The following PRDM16 variants were observed in gnomAD, a reference collection of about 807,000 sequenced individuals.
The protein encoded by PRDM16 is histone-lysine N-methyltransferase PRDM16.
In PRDM16, 23 loss-of-function variants were observed where a neutral mutation model predicts 110.6. The ratio of observed to expected loss-of-function variants is 0.21; its 90% CI spans 0.15 to 0.29. The LOEUF is 0.29. Ranked by LOEUF, PRDM16 falls within the 10% of genes least tolerant of loss-of-function variation. The pLI is 1.00. For synonymous variants in PRDM16, 799 were observed against 781.8 expected (o/e 1.02, Z -0.37); for missense variants, 1,615 against 1,794.3 (o/e 0.90, Z 1.81).
chr1:3,203,138 G>GA (rs1638672743), intron 2 of PRDM16, among the ~76,000 whole-genome samples: 1 of 152,198 alleles, frequency 6.6e-6, no homozygotes, highest in Non-Finnish European at 1.5e-5. Context: ...GGCTGAGGTG[G>GA]AAAAGCCACT....
At chr1:3,314,099 A>C (rs1005417482) in intron 3 of PRDM16, among the ~76,000 whole-genome samples, 1 of 148,260 alleles carries the variant, frequency 6.7e-6, no homozygotes, top group Admixed American at 6.7e-5. Context: ...CATAAAATGG[A>C]CCCAAGTCAC....
At chr1:3,094,279 C>T (rs937711715) in intron 1 of PRDM16, among the ~76,000 whole-genome samples, 1 of 152,244 alleles carries the variant, frequency 6.6e-6, no homozygotes, top group Non-Finnish European at 1.5e-5. Flanking sequence ...CCTGCCTCCA[C>T]AGCTCCCAGG....
intron 3 of PRDM16, among the ~76,000 whole-genome samples, chr1:3,313,881 A>G (rs1349234351): frequency 6.6e-6 from 1 of 152,256 alleles, no homozygotes; most frequent in Admixed American, 6.5e-5. Context: ...AGGAAGCATT[A>G]ATAGGAGCGA....
At chr1:3,320,088 G>T (rs1641705285) in intron 3 of PRDM16, among the ~76,000 whole-genome samples, 1 of 152,160 alleles carries the variant, frequency 6.6e-6, no homozygotes, top group South Asian at 2.1e-4. Flanking sequence ...TTACTTCCTT[G>T]TTCCTGGATA....
At chr1:3,421,340 G>A (rs573105763) in intron 12 of PRDM16, among the ~76,000 whole-genome samples, 15 of 152,170 alleles carry the variant, frequency 9.9e-5, no homozygotes, top group Middle Eastern at 3.2e-3. Context: ...CAGCAGGCAC[G>A]GTCACAGCAA....
intron 3 of PRDM16, among the ~76,000 whole-genome samples, chr1:3,321,526 ATGTG>A (rs534100051): frequency 1.5e-4 from 22 of 146,016 alleles, no homozygotes; most frequent in Non-Finnish European, 3.0e-4. Flanking sequence ...GTGGGGGTGC[ATGTG>A]TGTGTGTATG....
At position 3,125,125 on chromosome 1, in the gene PRDM16, C is replaced by T. The variant is rs191366336; in HGVS notation, c.37+55829C>T. The stretch of plus-strand genomic sequence containing the variant: ...GCCTAAAGCTCTGACATTTCTGCCT[C>T]GCTAAGGCACAGTCACCAGCCAAAG... On this transcript the variant is annotated intron_variant, in intron 1 of 16. Coordinates refer to ENST00000270722, the MANE Select transcript of PRDM16 (RefSeq NM_022114.4). 1.8e-3 allele frequency among the ~76,000 whole-genome samples: 267 copies of T among 152,388 alleles called. 1 individual carries two copies. Among genetic ancestry groups the T allele is most frequent in the African/African-American group, 6.0e-3 (248 of 41,598 alleles).
intron 14 of PRDM16, among the ~76,000 whole-genome samples, chr1:3,427,238 G>C (rs12124567): frequency 6.6e-6 from 1 of 152,080 alleles, no homozygotes; most frequent in African/African-American, 2.4e-5. Context: ...ACACCCCAGC[G>C]GGGCTGCTTC....
At chr1:3,338,343 A>G (rs1252121960) in intron 3 of PRDM16, among the ~76,000 whole-genome samples, 1 of 152,220 alleles carries the variant, frequency 6.6e-6, no homozygotes, top group Admixed American at 6.5e-5. Context: ...CTGGGGCCCA[A>G]TTCGAGGCCC....
chr1:3,292,983 C>T (rs908238338), intron 3 of PRDM16, among the ~76,000 whole-genome samples: 1 of 152,232 alleles, frequency 6.6e-6, no homozygotes, highest in African/African-American at 2.4e-5. Flanking sequence ...GGCATGACCT[C>T]GGACTCTTGA....
rs184609226 is a variant in PRDM16, at chr1:3,278,328, G to A, written c.438+34191G>A. The stretch of plus-strand genomic sequence containing the variant: ...TCTTTCCTAGGGACAGCCTGGCTGC[G>A]CCCTTGCAGCCACACCTAGGCCTAA... On this transcript the variant is annotated intron_variant, in intron 3 of 16. Transcript: ENST00000270722. 2.8e-4 allele frequency among the ~76,000 whole-genome samples: 42 copies of A among 152,330 alleles called. No homozygotes were observed. In the East Asian group the frequency reaches 7.0e-3, roughly 25 times the overall value.
intron 2 of PRDM16, among the ~76,000 whole-genome samples, chr1:3,232,103 G>A (rs1239608474): frequency 6.6e-5 from 10 of 152,344 alleles, no homozygotes; most frequent in Non-Finnish European, 1.2e-4. Context: ...CCAGGAGCTC[G>A]GGCCTCTGTG....
chr1:3,326,550 G>A (rs1237505197), intron 3 of PRDM16, among the ~76,000 whole-genome samples: 6 of 152,266 alleles, frequency 3.9e-5, no homozygotes, highest in African/African-American at 1.4e-4. Flanking sequence ...AACCAAGGGT[G>A]ATGGCAGAGG....
intron 1 of PRDM16, among the ~76,000 whole-genome samples, chr1:3,138,206 C>T (rs574387070): frequency 5.9e-5 from 9 of 152,324 alleles, no homozygotes; most frequent in South Asian, 2.1e-4. Flanking sequence ...GGGGAGAGGC[C>T]GCATCCCTCC....
chr1:3,190,644 G>A lies in PRDM16; in HGVS notation c.387+4170G>A, dbSNP rs945095980. ...TCAGGGAGGGGGCTTGTCAGGAAGT[G>A]CACCCGAAATTCCTGGCCTCCTCCA... On this transcript the variant is annotated intron_variant, in intron 2 of 16. Transcript: ENST00000270722. The surrounding 1 kb of genome is among the most constrained non-coding windows in gnomAD (Gnocchi z 5.0). Among the ~76,000 whole-genome samples the A allele has an allele frequency of 1.3e-5, 2 of 152,104 alleles. No individual in the cohort carries two copies. Among genetic ancestry groups the A allele is most frequent in the East Asian group, 3.9e-4 (2 of 5,150 alleles).
At chr1:3,169,928 C>T (rs1001371003) in intron 1 of PRDM16, among the ~76,000 whole-genome samples, 10 of 152,244 alleles carry the variant, frequency 6.6e-5, no homozygotes, top group African/African-American at 2.4e-4. Context: ...GACCGCGGCC[C>T]GCGCGCTCCG....
rs1296329055 is a variant in PRDM16, at chr1:3,209,220, G to C, written c.387+22746G>C. Among the ~76,000 whole-genome samples the C allele has an allele frequency of 6.6e-6, 1 of 152,224 alleles. No individual in the cohort carries two copies. Among genetic ancestry groups the C allele is most frequent in the Non-Finnish European group, 1.5e-5 (1 of 68,036 alleles). On this transcript the variant is annotated intron_variant, in intron 2 of 16. Coordinates refer to ENST00000270722, the MANE Select transcript of PRDM16 (RefSeq NM_022114.4). This position sits in a 1 kb window ranked among gnomAD's most constrained non-coding sequence, Gnocchi z 4.6. ...ATTTATTTGGTAAAGGCCCATGACT[G>C]AGTGGAAAAGCAACAAGAAGAGAAG...
At chr1:3,400,528 T>C (rs1010828440) in intron 5 of PRDM16, among the ~76,000 whole-genome samples, 3 of 152,124 alleles carry the variant, frequency 2.0e-5, no homozygotes, top group African/African-American at 7.2e-5. Flanking sequence ...AGCTCCTAGG[T>C]GGGTTTGGTT....
Position 3,148,403 on chromosome 1 carries a change from G to T in PRDM16, c.38-37722G>T, listed in dbSNP as rs958766417. ...AGGAGGGCCAGTGGCCAGAGGTGAGGAAGGAGCTGTCCGGCAGGGCTGGGC... is the reference window on the plus strand; with the variant it reads ...AGGAGGGCCAGTGGCCAGAGGTGAGTAAGGAGCTGTCCGGCAGGGCTGGGC... On this transcript the variant is annotated intron_variant, in intron 1 of 16. Coordinates refer to ENST00000270722, the MANE Select transcript of PRDM16 (RefSeq NM_022114.4). This position sits in a 1 kb window ranked among gnomAD's most constrained non-coding sequence, Gnocchi z 5.0. Among the ~76,000 whole-genome samples the T allele has an allele frequency of 6.6e-6, 1 of 152,140 alleles. No homozygotes were observed. The highest frequency in any genetic ancestry group is 2.4e-5 in the African/African-American group (1 of 41,420).
Sources: gnomAD v4.1 joint callset for allele counts (sites outside exome capture counted in the v4.1 genomes callset) on GRCh38, gnomAD v4.1.1 for gene constraint, Gnocchi (gnomAD v3.1) non-coding constraint, MANE v1.5 for transcripts, NCBI Gene and HGNC (gene_info 2026-07-23, HGNC 2026-07-21) for gene names.